Variants in LHX6 observed in about 807,000 individuals in gnomAD.
LHX6 encodes LIM homeobox 6.
A neutral mutation model predicts 47.1 loss-of-function variants in LHX6; 15 were observed. The observed-to-expected ratio is 0.32, with a 90% CI of 0.21 to 0.49. The LOEUF (loss-of-function observed/expected upper bound fraction) is 0.49. LHX6 is among the 20% of genes least tolerant of loss of function. LHX6 has a pLI of 0.99. For synonymous variants in LHX6, 242 were observed against 233.5 expected (o/e 1.04, Z -0.33); for missense variants, 404 against 539.6 (o/e 0.75, Z 2.49).
At chr9:122,215,579 T>C (rs529530847) in intron 5 of LHX6, among the ~76,000 whole-genome samples, 12 of 151,926 alleles carry the variant, frequency 7.9e-5, no homozygotes, top group Non-Finnish European at 1.5e-5. Flanking sequence ...GAGCCTGTGG[T>C]CGCTGATGGA....
Position 122,221,476 on chromosome 9 carries a change from C to G in LHX6, c.462-4188G>C, listed in dbSNP as rs773424099. On this transcript the variant is annotated intron_variant, in intron 4 of 9. Coordinates refer to ENST00000394319, the MANE Select transcript of LHX6 (RefSeq NM_014368.5). ...CCCGCGACAGAGCTTGGGCTCAAGG[C>G]GGAGGGCCAGAGAAGGCTAGGGGCT... is the stretch of plus-strand genomic sequence containing the variant. 5 of 985,394 alleles carry G rather than the reference C, an allele frequency of 5.1e-6. No individual in the cohort carries two copies. In the Admixed American group the frequency reaches 3.1e-4, roughly 61 times the overall value. The allele number at this position is 985,394 out of a possible 1,614,324, so 61.0% of individuals were successfully genotyped here.
chr9:122,212,743 A>G (rs1370213049), intron 8 of LHX6, among the ~76,000 whole-genome samples: 2 of 151,916 alleles, frequency 1.3e-5, no homozygotes, highest in Non-Finnish European at 2.9e-5. Context: ...CCTGCCACGG[A>G]CATGCCTGCT....
chr9:122,226,348 C>T lies in LHX6; in HGVS notation c.461+28G>A, dbSNP rs750213894. ...TGCGCCCGGGGCCTGCCCTCGGCGA[C>T]ACTGCTGGCTCGGCGGCCGCAGCCT... On this transcript the variant is annotated intron_variant, in intron 4 of 9. Transcript: ENST00000394319. The surrounding 1 kb of genome is among the most constrained non-coding windows in gnomAD (Gnocchi z 6.5). The T allele has an allele frequency of 1.8e-5, 28 of 1,598,324 alleles. No individual in the cohort carries two copies. Among genetic ancestry groups the T allele is most frequent in the Non-Finnish European group, 2.2e-5 (26 of 1,171,064 alleles).
At position 122,213,167 on chromosome 9, in the gene LHX6, C is replaced by T. The variant is rs1265654872; in HGVS notation, c.1054+439G>A. 3.3e-5 allele frequency among the ~76,000 whole-genome samples: 5 copies of T among 152,010 alleles called. No homozygotes were observed. The highest frequency in any genetic ancestry group is 1.2e-4 in the African/African-American group (5 of 41,382). On this transcript the variant is annotated intron_variant, in intron 8 of 9. Coordinates refer to ENST00000394319, the MANE Select transcript of LHX6 (RefSeq NM_014368.5). The surrounding 1 kb of genome is among the most constrained non-coding windows in gnomAD (Gnocchi z 5.5). ...CTGCTTGCTGAAAGGCAGCCCAGCC[C>T]CTTCCCTTCCACCCCGCAGCATCTC...
In LHX6 at chr9:122,226,649, G is replaced by A. The variant is rs1454078478; in HGVS notation, c.340-152C>T. Reference sequence around the variant, plus strand: ...TTCTCCCGTAATACTGAGACTCAGGGAAATGGAAATAAACTCTTCTTATTT... The same window carrying A: ...TTCTCCCGTAATACTGAGACTCAGGAAAATGGAAATAAACTCTTCTTATTT... On this transcript the variant is annotated intron_variant, in intron 3 of 9. Coordinates refer to ENST00000394319, the MANE Select transcript of LHX6 (RefSeq NM_014368.5). The surrounding 1 kb of genome is among the most constrained non-coding windows in gnomAD (Gnocchi z 6.5). 9 of 1,288,516 alleles carry A rather than the reference G, an allele frequency of 7.0e-6. No individual in the cohort carries two copies. Among genetic ancestry groups the A allele is most frequent in the African/African-American group, 4.5e-5 (3 of 67,372 alleles). The allele number at this position is 1,288,516 out of a possible 1,614,324, so 79.8% of individuals were successfully genotyped here.
At chr9:122,209,740 G>A in intron 8 of LHX6, 23 bp from the exon 9 acceptor site, 1 of 788,222 alleles carries the variant, frequency 1.3e-6, no homozygotes, top group Non-Finnish European at 2.3e-6. Flanking sequence ...GGATGCCTTG[G>A]AGCTCATCCC....
intron 2 of LHX6, 143 bp downstream of exon 2, chr9:122,227,266 A>G: frequency 1.0e-6 from 1 of 953,966 alleles, no homozygotes; most frequent in South Asian, 1.9e-5. Flanking sequence ...TCCCTGCCGG[A>G]AAACCGAGGC....
intron 1 of LHX6, chr9:122,228,058 G>T: frequency 1.8e-6 from 1 of 551,406 alleles, no homozygotes; most frequent in South Asian, 2.1e-5. Context: ...AGATGGGTGA[G>T]GGGCGGAGGG....
chr9:122,208,549 C>T (rs1021867816), intron 9 of LHX6, among the ~76,000 whole-genome samples: 3 of 152,052 alleles, frequency 2.0e-5, no homozygotes, highest in Non-Finnish European at 2.9e-5. Context: ...ATGTAAGGTT[C>T]GGCCGGGCAC....
Position 122,213,348 on chromosome 9 carries a change from T to A in LHX6, c.1054+258A>T, listed in dbSNP as rs77692924. 0.032 allele frequency among the ~76,000 whole-genome samples: 4,806 copies of A among 152,188 alleles called. 228 individuals are homozygous for A. Among genetic ancestry groups the A allele is most frequent in the African/African-American group, 0.11 (4,431 of 41,506 alleles). On this transcript the variant is annotated intron_variant, in intron 8 of 9. Transcript: ENST00000394319. The surrounding 1 kb of genome is among the most constrained non-coding windows in gnomAD (Gnocchi z 5.5). ...CCCCAGTCTCCGGGCACTGGCACATTGTGGGTGCTTTGAAGGCATTTTTTG... is the reference window on the plus strand; with the variant it reads ...CCCCAGTCTCCGGGCACTGGCACATAGTGGGTGCTTTGAAGGCATTTTTTG...
intron 8 of LHX6, 120 bp from the exon 9 acceptor site, chr9:122,209,837 G>C (rs1830332853): frequency 1.7e-6 from 1 of 597,184 alleles, no homozygotes; most frequent in African/African-American, 1.9e-5. Context: ...CTTACCTCCT[G>C]GGTAGCCCTG....
chr9:122,204,699 T>C lies in LHX6; in HGVS notation c.*61A>G. 1.3e-6 allele frequency: 2 copies of C among 1,588,664 alleles called. No homozygotes were observed. The highest frequency in any genetic ancestry group is 8.6e-7 in the Non-Finnish European group (1 of 1,166,668). Reference sequence around the variant, plus strand: ...TCCTGGCCGCAGCTTGGACACTGGATCTCAGCGGCTGAGGGGCAGCTGTGG... The same window carrying C: ...TCCTGGCCGCAGCTTGGACACTGGACCTCAGCGGCTGAGGGGCAGCTGTGG... On this transcript the variant is annotated 3_prime_UTR_variant, in exon 10 of 10. Transcript: ENST00000394319.
intron 4 of LHX6, among the ~76,000 whole-genome samples, chr9:122,219,547 G>A (rs902654682): frequency 1.3e-5 from 2 of 152,252 alleles, no homozygotes; most frequent in Non-Finnish European, 2.9e-5. Flanking sequence ...CCTCTGAGGG[G>A]AGGCTGGCTT....
rs117398927 is a variant in LHX6 at position 122,224,509 on chromosome 9, G to A, written c.461+1867C>T. Among the ~76,000 whole-genome samples the A allele has an allele frequency of 8.1e-5, 12 of 148,492 alleles. No individual in the cohort carries two copies. The East Asian group carries it at 1.6e-3, about 19-fold the overall frequency. ...ACTACACACACACACACACACAGCC[G>A]TCCAGATTCACAAATACGTTCTTAT... On this transcript the variant is annotated intron_variant, in intron 4 of 9. Coordinates refer to ENST00000394319, the MANE Select transcript of LHX6 (RefSeq NM_014368.5).
chr9:122,227,341 C>G, intron 2 of LHX6, 68 bp downstream of exon 2: 1 of 1,388,500 alleles, frequency 7.2e-7, no homozygotes, highest in Non-Finnish European at 9.4e-7. Context: ...GGCCGGAAAA[C>G]CTGGCCAGGT....
intron 1 of LHX6, chr9:122,228,223 G>A (rs1564448797): frequency 2.6e-6 from 4 of 1,516,564 alleles, no homozygotes; most frequent in Non-Finnish European, 3.5e-6. Flanking sequence ...GAGCGAGATC[G>A]GGGCGAAACG....
Position 122,226,520 on chromosome 9 carries a change from G to A in LHX6, c.340-23C>T. ...GACCTGGGGACGGGGCGGGGACGGA[G>A]GTCGGCTCAGCGCGGGCCTCTTTCA... On this transcript the variant is annotated intron_variant, in intron 3 of 9. Coordinates refer to ENST00000394319, the MANE Select transcript of LHX6 (RefSeq NM_014368.5). This position sits in a 1 kb window ranked among gnomAD's most constrained non-coding sequence, Gnocchi z 6.5. The A allele has an allele frequency of 6.2e-7, 1 of 1,610,374 alleles. No homozygotes were observed. The highest frequency in any genetic ancestry group is 1.1e-5 in the South Asian group (1 of 90,798).
Position 122,228,754 on chromosome 9 carries a change from T to A in LHX6, c.-14A>T. The A allele has an allele frequency of 1.6e-6, 2 of 1,248,906 alleles. No homozygotes were observed. Among genetic ancestry groups the A allele is most frequent in the Non-Finnish European group, 2.0e-6 (2 of 992,906 alleles). The allele number at this position is 1,248,906 out of a possible 1,614,324, so 77.4% of individuals were successfully genotyped here. On this transcript the variant is annotated 5_prime_UTR_variant, in exon 1 of 10. Coordinates refer to ENST00000394319, the MANE Select transcript of LHX6 (RefSeq NM_014368.5). ...CTTCCAGTACATGGGCCGGGGAACCTCGGGCTCAGCGGGCGCGCAGCGCGG... is the reference window on the plus strand; with the variant it reads ...CTTCCAGTACATGGGCCGGGGAACCACGGGCTCAGCGGGCGCGCAGCGCGG...
At chr9:122,206,800 C>G (rs898865682) in intron 9 of LHX6, among the ~76,000 whole-genome samples, 1 of 152,126 alleles carries the variant, frequency 6.6e-6, no homozygotes, top group African/African-American at 2.4e-5. Flanking sequence ...TTCTGTGGCC[C>G]CTGTCGGCTC....
Sources: allele counts gnomAD v4.1 joint callset (sites outside exome capture counted in the v4.1 genomes callset), GRCh38; gene constraint gnomAD v4.1.1; non-coding constraint Gnocchi (gnomAD v3.1); transcripts MANE v1.5; gene names NCBI Gene and HGNC (gene_info 2026-07-23, HGNC 2026-07-21).